Variants in ALK observed in about 807,000 individuals in gnomAD.
ALK encodes ALK tyrosine kinase receptor.
ALK carries 74 observed loss-of-function variants against 163.1 expected under a neutral mutation model. The observed-to-expected ratio is 0.45, with a 90% confidence interval of 0.38 to 0.55. The LOEUF is 0.55. ALK is among the 20% of genes least tolerant of loss of function. ALK has a pLI of 0.00. For missense variants in ALK, 2,063 were observed against 2,105.3 expected (o/e 0.98, Z 0.39); for synonymous variants, 960 against 843.2 (o/e 1.14, Z -2.40).
intron 4 of ALK, among the ~76,000 whole-genome samples, chr2:29,404,299 C>T (rs1185469588): frequency 2.5e-5 from 2 of 79,530 alleles, no homozygotes; most frequent in African/African-American, 4.9e-5. Context: ...CGGAGCAAGA[C>T]TCCGTCTCAA....
chr2:29,620,303 T>G lies in ALK; in HGVS notation c.952+74547A>C, dbSNP rs115301960. ...CCCTTCTCCCTGGTTTACAGATGGCTTCCCTCACGTTCACACGGTGTTCTT... is the reference window on the plus strand; with the variant it reads ...CCCTTCTCCCTGGTTTACAGATGGCGTCCCTCACGTTCACACGGTGTTCTT... On this transcript the variant is annotated intron_variant, in intron 3 of 28. Coordinates refer to ENST00000389048, the MANE Select transcript of ALK (RefSeq NM_004304.5). 7.6e-3 allele frequency among the ~76,000 whole-genome samples: 1,158 copies of G among 152,222 alleles called. 13 individuals are homozygous for G. Among genetic ancestry groups the G allele is most frequent in the African/African-American group, 0.027 (1,122 of 41,538 alleles).
chr2:29,635,110 A>G (rs909520652), intron 3 of ALK, among the ~76,000 whole-genome samples: 1 of 152,214 alleles, frequency 6.6e-6, no homozygotes, highest in African/African-American at 2.4e-5. Context: ...AAACTACTAA[A>G]TGCTGATGAT....
chr2:29,277,897 A>G (rs1016325511), intron 9 of ALK, among the ~76,000 whole-genome samples: 1 of 152,204 alleles, frequency 6.6e-6, no homozygotes, highest in South Asian at 2.1e-4. Context: ...GCTATTACAT[A>G]TAGGTCTATG....
intron 3 of ALK, among the ~76,000 whole-genome samples, chr2:29,676,444 C>T (rs1463978152): frequency 6.6e-6 from 1 of 151,976 alleles, no homozygotes; most frequent in African/African-American, 2.4e-5. Context: ...TTACCTCAGG[C>T]ACCTTTGTCA....
At chr2:29,366,483 C>T (rs923317988) in intron 5 of ALK, among the ~76,000 whole-genome samples, 3 of 151,870 alleles carry the variant, frequency 2.0e-5, no homozygotes, top group Non-Finnish European at 2.9e-5. Flanking sequence ...GTCTCAGTGT[C>T]GCCCTGAGAG....
At chr2:29,570,134 A>G (rs1278900215) in intron 3 of ALK, among the ~76,000 whole-genome samples, 1 of 152,202 alleles carries the variant, frequency 6.6e-6, no homozygotes, top group African/African-American at 2.4e-5. Flanking sequence ...AGGATTATTT[A>G]TTTCTCATTA....
intron 1 of ALK, among the ~76,000 whole-genome samples, chr2:29,773,757 A>G (rs765449745): frequency 1.3e-4 from 20 of 152,166 alleles, no homozygotes; most frequent in Non-Finnish European, 2.9e-4. Context: ...ATGAAATTCT[A>G]TTCTTTTTAA....
intron 1 of ALK, among the ~76,000 whole-genome samples, chr2:29,913,718 G>C (rs1350806517): frequency 6.6e-6 from 1 of 152,024 alleles, no homozygotes; most frequent in Non-Finnish European, 1.5e-5. Flanking sequence ...TTTAGATTGA[G>C]GGATCTTCCT....
At chr2:29,703,737 T>C (rs1027172805) in intron 2 of ALK, among the ~76,000 whole-genome samples, 1 of 152,222 alleles carries the variant, frequency 6.6e-6, no homozygotes, top group African/African-American at 2.4e-5. Context: ...AAGGTTGGCA[T>C]TGCCTTTAGG....
intron 1 of ALK, among the ~76,000 whole-genome samples, chr2:29,868,152 G>C (rs1032399586): frequency 1.3e-5 from 2 of 152,178 alleles, no homozygotes; most frequent in African/African-American, 2.4e-5. Flanking sequence ...CAAGGAGGTA[G>C]GAAAAGGAAA....
chr2:29,492,130 T>G (rs1284091615), intron 4 of ALK, among the ~76,000 whole-genome samples: 1 of 152,204 alleles, frequency 6.6e-6, no homozygotes, highest in Non-Finnish European at 1.5e-5. Flanking sequence ...ATGCCATGGT[T>G]ACCATTACCA....
intron 3 of ALK, among the ~76,000 whole-genome samples, chr2:29,591,041 A>C (rs887933873): frequency 7.8e-6 from 1 of 127,862 alleles, no homozygotes; most frequent in African/African-American, 3.0e-5. Context: ...ACCGCACTCC[A>C]ACCTGGGAGA....
chr2:29,414,096 G>T (rs909737775), intron 4 of ALK, among the ~76,000 whole-genome samples: 2 of 152,218 alleles, frequency 1.3e-5, no homozygotes, highest in South Asian at 4.1e-4. Flanking sequence ...ATTGTGTTAT[G>T]AGGTTAGGAT....
intron 4 of ALK, among the ~76,000 whole-genome samples, chr2:29,438,866 T>A (rs920458753): frequency 6.6e-6 from 1 of 152,068 alleles, no homozygotes; most frequent in African/African-American, 2.4e-5. Context: ...TCCTACTGAT[T>A]TGGGGAGGAG....
At chr2:29,467,798 TAG>T (rs2148108350) in intron 4 of ALK, among the ~76,000 whole-genome samples, 1 of 152,362 alleles carries the variant, frequency 6.6e-6, no homozygotes, top group East Asian at 1.9e-4. Context: ...AGTTAGACAT[TAG>T]AGAGATTTGC....
intron 7 of ALK, among the ~76,000 whole-genome samples, chr2:29,319,920 G>A (rs902908454): frequency 1.3e-5 from 2 of 152,230 alleles, no homozygotes; most frequent in Non-Finnish European, 2.9e-5. Context: ...CAAATGAAGA[G>A]GACAGAAGAA....
chr2:29,525,527 C>T (rs535838303), intron 4 of ALK, among the ~76,000 whole-genome samples: 10 of 152,110 alleles, frequency 6.6e-5, no homozygotes, highest in Middle Eastern at 3.4e-3. Flanking sequence ...TGCGGTGGCT[C>T]ATGCCTGTAA....
intron 1 of ALK, among the ~76,000 whole-genome samples, chr2:29,741,917 A>G (rs1680071611): frequency 1.3e-5 from 2 of 152,266 alleles, no homozygotes; most frequent in South Asian, 4.1e-4. Flanking sequence ...AGAATTACTC[A>G]CCCAAAGTGC....
intron 3 of ALK, among the ~76,000 whole-genome samples, chr2:29,568,521 AG>A (rs1001803247): frequency 3.3e-5 from 5 of 152,172 alleles, no homozygotes; most frequent in Admixed American, 1.3e-4. Flanking sequence ...CTCAAAGTGT[AG>A]GGAGGGCAGG....
Sources: allele counts gnomAD v4.1 joint callset (sites outside exome capture counted in the v4.1 genomes callset), GRCh38; gene constraint gnomAD v4.1.1; transcripts MANE v1.5; gene names NCBI Gene and HGNC (gene_info 2026-07-23, HGNC 2026-07-21).